MACROD2: variants seen among roughly 807,000 people sequenced by gnomAD.
MACROD2 encodes the protein ADP-ribose glycohydrolase MACROD2.
Under a neutral mutation model 70.4 loss-of-function variants are expected in MACROD2, and 36 were observed. The ratio of observed to expected loss-of-function variants is 0.51; its 90% confidence interval spans 0.39 to 0.68. MACROD2 has a LOEUF of 0.68. MACROD2 is among the 30% of genes least tolerant of loss of function. The pLI is 0.00. For missense variants in MACROD2, 496 were observed against 538.4 expected (o/e 0.92, Z 0.78); for synonymous variants, 172 against 178.8 (o/e 0.96, Z 0.30).
intron 5 of MACROD2, among the ~76,000 whole-genome samples, chr20:14,920,707 T>G (rs926189748): frequency 2.0e-5 from 3 of 152,162 alleles, no homozygotes; most frequent in Admixed American, 1.3e-4. Flanking sequence ...GATATTAAGT[T>G]TATTTAATAT....
intron 3 of MACROD2, among the ~76,000 whole-genome samples, chr20:14,160,350 C>T (rs2055167229): frequency 6.6e-6 from 1 of 152,078 alleles, no homozygotes; most frequent in Non-Finnish European, 1.5e-5. Flanking sequence ...CCATTTGGTC[C>T]CGGACTTTTC....
intron 5 of MACROD2, among the ~76,000 whole-genome samples, chr20:15,178,808 A>G (rs886262252): frequency 1.3e-5 from 2 of 152,234 alleles, no homozygotes; most frequent in African/African-American, 2.4e-5. Flanking sequence ...TGGCATTGCA[A>G]TGTTCCATAT....
intron 4 of MACROD2, among the ~76,000 whole-genome samples, chr20:14,521,843 A>T (rs987335269): frequency 3.3e-5 from 5 of 152,118 alleles, no homozygotes; most frequent in Non-Finnish European, 7.3e-5. Flanking sequence ...TTTAATCAGG[A>T]TTCTCTTTGT....
intron 8 of MACROD2, among the ~76,000 whole-genome samples, chr20:15,583,469 C>T (rs453573): frequency 0.67 from 102,123 of 151,960 alleles, 34,978 homozygotes; most frequent in African/African-American, 0.79. Flanking sequence ...GGAGTGGCTC[C>T]GTTTGGAGCA....
chr20:15,335,123 A>T (rs1387591575), intron 6 of MACROD2, among the ~76,000 whole-genome samples: 1 of 151,802 alleles, frequency 6.6e-6, no homozygotes, highest in East Asian at 1.9e-4. Context: ...CTAACTCATG[A>T]TAGCACCAGG....
intron 10 of MACROD2, among the ~76,000 whole-genome samples, chr20:15,920,625 T>A (rs2065389754): frequency 6.6e-6 from 1 of 152,216 alleles, no homozygotes; most frequent in South Asian, 2.1e-4. Flanking sequence ...CTCCACAACA[T>A]GCAGTTTTTC....
chr20:15,629,526 C>G (rs16996175), intron 8 of MACROD2, among the ~76,000 whole-genome samples: 4,603 of 152,294 alleles, frequency 0.03, 233 homozygotes, highest in African/African-American at 0.1. Context: ...ATGGACCTTA[C>G]ATTCAAATAA....
intron 4 of MACROD2, among the ~76,000 whole-genome samples, chr20:14,624,665 A>G (rs1257449904): frequency 6.6e-6 from 1 of 152,234 alleles, no homozygotes; most frequent in East Asian, 1.9e-4. Flanking sequence ...GCCAGAAGGC[A>G]GAAGAAAACT....
chr20:15,435,808 C>T (rs1320859304), intron 7 of MACROD2, among the ~76,000 whole-genome samples: 1 of 152,064 alleles, frequency 6.6e-6, no homozygotes, highest in Non-Finnish European at 1.5e-5. Flanking sequence ...ATTCAGTACA[C>T]CATTGTGGCG....
At chr20:14,683,360 T>C (rs1325766605) in intron 4 of MACROD2, among the ~76,000 whole-genome samples, 1 of 152,238 alleles carries the variant, frequency 6.6e-6, no homozygotes, top group Admixed American at 6.5e-5. Context: ...TGTGAGATAC[T>C]ACCATTATTG....
At chr20:15,947,583 A>G (rs2065842213) in intron 12 of MACROD2, among the ~76,000 whole-genome samples, 4 of 152,186 alleles carry the variant, frequency 2.6e-5, no homozygotes, top group Admixed American at 2.6e-4. Context: ...TTCAGGGTAC[A>G]GGTCAAAATG....
intron 5 of MACROD2, among the ~76,000 whole-genome samples, chr20:15,102,817 C>T (rs977521479): frequency 3.3e-5 from 5 of 151,850 alleles, no homozygotes; most frequent in Admixed American, 1.3e-4. Flanking sequence ...ATGAGAAAGG[C>T]ATGATATCCC....
At chr20:14,374,893 A>G (rs1347769791) in intron 3 of MACROD2, among the ~76,000 whole-genome samples, 1 of 152,106 alleles carries the variant, frequency 6.6e-6, no homozygotes, top group African/African-American at 2.4e-5. Flanking sequence ...TTTTCTCCCA[A>G]TTTGGGTAGT....
At chr20:14,638,581 C>G (rs1166587902) in intron 4 of MACROD2, among the ~76,000 whole-genome samples, 1 of 152,138 alleles carries the variant, frequency 6.6e-6, no homozygotes, top group Non-Finnish European at 1.5e-5. Flanking sequence ...TTCTTACCCT[C>G]TCATTTGCTC....
At chr20:14,384,575 A>C (rs2083452902) in intron 3 of MACROD2, among the ~76,000 whole-genome samples, 1 of 152,106 alleles carries the variant, frequency 6.6e-6, no homozygotes. Flanking sequence ...GCTAAACAGG[A>C]AATGTCATGA....
At chr20:14,062,370 G>A (rs367619382) in intron 2 of MACROD2, among the ~76,000 whole-genome samples, 2 of 152,182 alleles carry the variant, frequency 1.3e-5, no homozygotes, top group African/African-American at 2.4e-5. Context: ...GAGATTAAGC[G>A]TCATTTATAA....
At chr20:14,010,394 A>AGG (rs1569113458) in intron 2 of MACROD2, among the ~76,000 whole-genome samples, 7 of 152,126 alleles carry the variant, frequency 4.6e-5, no homozygotes, top group African/African-American at 1.7e-4. Context: ...GCAAAGGCAG[A>AGG]AAAGGTAGAG....
At chr20:15,678,308 G>A (rs1035999281) in intron 8 of MACROD2, among the ~76,000 whole-genome samples, 2 of 152,068 alleles carry the variant, frequency 1.3e-5, no homozygotes, top group African/African-American at 4.8e-5. Flanking sequence ...TGAGGCTACA[G>A]TGAGCAATGA....
intron 5 of MACROD2, among the ~76,000 whole-genome samples, chr20:14,978,456 T>C (rs1251474309): frequency 6.7e-6 from 1 of 149,496 alleles, no homozygotes; most frequent in African/African-American, 2.5e-5. Flanking sequence ...TTACAAACCA[T>C]TACTTCTACA....
Sources: allele counts gnomAD v4.1 joint callset (sites outside exome capture counted in the v4.1 genomes callset), GRCh38; gene constraint gnomAD v4.1.1; transcripts MANE v1.5; gene names NCBI Gene and HGNC (gene_info 2026-07-23, HGNC 2026-07-21).